Variants in UPRT observed in about 807,000 individuals in gnomAD.
UPRT encodes the protein uracil phosphoribosyltransferase homolog, also known as RP11-311P8.3.
UPRT carries 5 observed loss-of-function variants against 22.6 expected under a neutral mutation model. That is an observed-to-expected ratio of 0.22 (90% CI 0.12 to 0.47). UPRT has a LOEUF of 0.47. Ranked by LOEUF, UPRT falls within the 20% of genes least tolerant of loss-of-function variation. UPRT has a pLI of 0.99. For synonymous variants in UPRT, 77 were observed against 87.7 expected (o/e 0.88, Z 0.68); for missense variants, 181 against 239.9 (o/e 0.75, Z 1.62).
At chrX:75,193,769 T>C (rs2082324033) in intron 4 of UPRT, among the ~76,000 whole-genome samples, 1 of 111,748 alleles carries the variant, frequency 8.9e-6, no homozygotes. Context: ...AATTGCATCA[T>C]GAAATTCTTG....
intron 4 of UPRT, among the ~76,000 whole-genome samples, chrX:75,196,629 T>C (rs955291703): frequency 4.5e-5 from 5 of 112,080 alleles, no homozygotes; most frequent in Non-Finnish European, 9.4e-5. Flanking sequence ...GGTGGATCAC[T>C]TGAGGCCAGG....
chrX:75,302,322 T>C (rs973414733), intron 6 of UPRT, among the ~76,000 whole-genome samples: 1 of 111,770 alleles, frequency 8.9e-6, no homozygotes, highest in Non-Finnish European at 1.9e-5. Context: ...ATTATTAAAA[T>C]TTTTACCTTT....
intron 4 of UPRT, among the ~76,000 whole-genome samples, chrX:75,177,446 G>A (rs767878564): frequency 5.4e-5 from 6 of 111,128 alleles, no homozygotes; most frequent in Admixed American, 1.9e-4. Flanking sequence ...AGGACCGACC[G>A]AGAAAAATCG....
rs200097942 is a variant in UPRT at position 75,190,881 on chromosome X, A to AT, written c.-447+23011dup. Among the ~76,000 whole-genome samples the AT allele has an allele frequency of 4.2e-4, 45 of 107,160 alleles. 1 individual carries two copies. Among genetic ancestry groups the AT allele is most frequent in the Admixed American group, 1.8e-3 (18 of 10,053 alleles). 93.1% of individuals were successfully genotyped at this position (107,160 alleles called of 115,157 possible). On this transcript the variant is annotated intron_variant, in intron 4 of 13. Transcript: ENST00000652605. ...GGTTATTCTAGTTATCCATTTGTCT[A>AT]TTTTTTTTTCAAGGTTTTTATCTTC...
intron 4 of UPRT, among the ~76,000 whole-genome samples, chrX:75,219,815 A>G (rs1233124362): frequency 8.9e-6 from 1 of 111,893 alleles, no homozygotes; most frequent in African/African-American, 3.2e-5. Context: ...CAGATCTTCC[A>G]GATAAAAAAG....
intron 4 of UPRT, among the ~76,000 whole-genome samples, chrX:75,178,178 G>A (rs1233962907): frequency 8.9e-6 from 1 of 112,285 alleles, no homozygotes; most frequent in African/African-American, 3.2e-5. Flanking sequence ...ACTCCGAAGA[G>A]TCGGGGGTTG....
intron 4 of UPRT, among the ~76,000 whole-genome samples, chrX:75,255,264 T>C (rs1011128637): frequency 1.8e-5 from 2 of 111,377 alleles, no homozygotes; most frequent in Non-Finnish European, 3.8e-5. Flanking sequence ...CTAAGCTTTA[T>C]ATATGAAAAA....
At chrX:75,252,891 A>G (rs763605387) in intron 4 of UPRT, among the ~76,000 whole-genome samples, 25 of 112,163 alleles carry the variant, frequency 2.2e-4, no homozygotes, top group African/African-American at 7.1e-4. Context: ...TGTCCTTTTT[A>G]GGGAGATGGA....
At chrX:75,236,903 C>T (rs990839979) in intron 4 of UPRT, among the ~76,000 whole-genome samples, 18 of 112,292 alleles carry the variant, frequency 1.6e-4, no homozygotes, top group African/African-American at 5.5e-4. Flanking sequence ...GACTTCATGT[C>T]TAAAACACCA....
At chrX:75,174,121 G>A (rs1007437579) in intron 4 of UPRT, among the ~76,000 whole-genome samples, 8 of 112,275 alleles carry the variant, frequency 7.1e-5, no homozygotes, top group African/African-American at 2.3e-4. Context: ...TGCCAAGAGC[G>A]AGTGAGGGCT....
Position 75,252,294 on chromosome X carries a change from A to C in UPRT, c.-446-38730A>C, listed in dbSNP as rs757074914. On this transcript the variant is annotated intron_variant, in intron 4 of 13. Coordinates refer to the UPRT transcript ENST00000652605. ...ACAGGTAACCTACAGAATGGGAGAA[A>C]ATTTTTGCAACCTACTCATCTGACA... 2.2e-3 allele frequency among the ~76,000 whole-genome samples: 244 copies of C among 112,047 alleles called. 1 individual carries two copies. Among genetic ancestry groups the C allele is most frequent in the African/African-American group, 7.2e-3 (221 of 30,810 alleles).
chrX:75,260,078 G>A (rs907252565), intron 4 of UPRT, among the ~76,000 whole-genome samples: 1 of 111,734 alleles, frequency 8.9e-6, no homozygotes, highest in African/African-American at 3.2e-5. Context: ...TCACCACCAG[G>A]CCTGCCTTAC....
chrX:75,183,892 G>C (rs1373685056), intron 4 of UPRT, among the ~76,000 whole-genome samples: 1 of 111,612 alleles, frequency 9.0e-6, no homozygotes, highest in South Asian at 3.8e-4. Flanking sequence ...CTTGCAAATT[G>C]GTTTGAGTTC....
At chrX:75,189,159 T>A (rs1291918552) in intron 4 of UPRT, among the ~76,000 whole-genome samples, 1 of 112,284 alleles carries the variant, frequency 8.9e-6, no homozygotes, top group Non-Finnish European at 1.9e-5. Flanking sequence ...TTAAATGTGT[T>A]CCAGAGATTC....
intron 2 of UPRT, among the ~76,000 whole-genome samples, chrX:75,160,985 A>G (rs776589244): frequency 4.4e-5 from 5 of 112,975 alleles, no homozygotes; most frequent in Non-Finnish European, 9.4e-5. Flanking sequence ...AAACATATAT[A>G]TACATTTATA....
intron 4 of UPRT, among the ~76,000 whole-genome samples, chrX:75,250,320 TA>T (rs1342766385): frequency 1.8e-5 from 2 of 109,616 alleles, no homozygotes; most frequent in Non-Finnish European, 3.8e-5. Context: ...CTAGCAAGAC[TA>T]ATAAAGAAGA....
intron 4 of UPRT, among the ~76,000 whole-genome samples, chrX:75,234,680 A>G (rs1376652560): frequency 9.0e-6 from 1 of 111,573 alleles, no homozygotes; most frequent in Non-Finnish European, 1.9e-5. Flanking sequence ...CTGCTCCTGA[A>G]TGACTACTGG....
At chrX:75,293,286 T>C (rs1293665877) in intron 1 of UPRT, among the ~76,000 whole-genome samples, 186 bp from the exon 2 acceptor site, 2 of 111,578 alleles carry the variant, frequency 1.8e-5, no homozygotes, top group Non-Finnish European at 3.8e-5. Context: ...TCATTATTGA[T>C]CAAGTTATCT....
chrX:75,239,650 A>G (rs1452908479), intron 4 of UPRT, among the ~76,000 whole-genome samples: 1 of 111,354 alleles, frequency 9.0e-6, no homozygotes, highest in African/African-American at 3.3e-5. Context: ...ATAACAAAAA[A>G]AGAATACTAC....
Sources: gnomAD v4.1 joint callset for allele counts (sites outside exome capture counted in the v4.1 genomes callset) on GRCh38, gnomAD v4.1.1 for gene constraint, MANE v1.5 for transcripts, NCBI Gene and HGNC (gene_info 2026-07-23, HGNC 2026-07-21) for gene names.